POU6F2: variants seen among roughly 807,000 people sequenced by gnomAD.
POU6F2 encodes POU class 6 homeobox 2, also known as POU domain, class 6, transcription factor 2.
A neutral mutation model predicts 71.3 loss-of-function variants in POU6F2; 31 were observed. The observed-to-expected ratio is 0.43, with a 90% CI of 0.33 to 0.59. The LOEUF (loss-of-function observed/expected upper bound fraction) is 0.59, where lower values mean the gene tolerates loss of function less well. POU6F2 is among the 20% of genes least tolerant of loss of function. The pLI, the probability that POU6F2 is intolerant of heterozygous loss-of-function variation, is 0.04. For synonymous variants in POU6F2, 347 were observed against 355.7 expected (o/e 0.98, Z 0.27); for missense variants, 783 against 856.8 (o/e 0.91, Z 1.07).
At chr7:39,239,872 A>G (rs1783690562) in intron 4 of POU6F2, among the ~76,000 whole-genome samples, 1 of 152,130 alleles carries the variant, frequency 6.6e-6, no homozygotes. Context: ...CATGACAAAG[A>G]GGTGGAAAAC....
intron 1 of POU6F2, among the ~76,000 whole-genome samples, chr7:39,027,409 C>T (rs1488344626): frequency 6.6e-6 from 1 of 152,104 alleles, no homozygotes; most frequent in African/African-American, 2.4e-5. Flanking sequence ...CACTGCAGTG[C>T]TCAAAACCCT....
At chr7:39,142,866 TA>T (rs1483891725) in intron 2 of POU6F2, among the ~76,000 whole-genome samples, 24 of 152,332 alleles carry the variant, frequency 1.6e-4, no homozygotes, top group Non-Finnish European at 2.9e-5. Flanking sequence ...TTTGAAACAT[TA>T]AAAAACATGT....
chr7:39,258,740 G>T (rs1243890025), intron 4 of POU6F2, among the ~76,000 whole-genome samples: 1 of 152,126 alleles, frequency 6.6e-6, no homozygotes, highest in Admixed American at 6.5e-5. Context: ...GGTGGTAGGG[G>T]CACCGCAGAA....
At chr7:39,181,990 A>G (rs929260747) in intron 2 of POU6F2, among the ~76,000 whole-genome samples, 14 of 152,162 alleles carry the variant, frequency 9.2e-5, no homozygotes, top group African/African-American at 3.4e-4. Flanking sequence ...TCAGATTACA[A>G]TCTCTACTCC....
At chr7:39,322,159 T>C (rs760152219) in intron 4 of POU6F2, among the ~76,000 whole-genome samples, 20 of 152,190 alleles carry the variant, frequency 1.3e-4, no homozygotes, top group Non-Finnish European at 2.8e-4. Flanking sequence ...TGCTCATCCA[T>C]CCTATACTTT....
chr7:39,144,016 T>G (rs1421537840), intron 2 of POU6F2, among the ~76,000 whole-genome samples: 1 of 152,152 alleles, frequency 6.6e-6, no homozygotes, highest in East Asian at 1.9e-4. Flanking sequence ...CCCATCAAAA[T>G]AGGTCTTCCT....
At chr7:38,996,035 CT>C (rs5883669) in intron 1 of POU6F2, among the ~76,000 whole-genome samples, 42,433 of 82,036 alleles carry the variant, frequency 0.52, 9,744 homozygotes, top group East Asian at 0.78. Flanking sequence ...AGGGGCTTGG[CT>C]TTTTTTTTTT....
chr7:39,344,676 C>T lies in POU6F2; in HGVS notation c.972+4661C>T, dbSNP rs547188161. 3.9e-5 allele frequency among the ~76,000 whole-genome samples: 6 copies of T among 152,184 alleles called. 1 individual carries two copies. The highest frequency in any genetic ancestry group is 1.2e-4 in the African/African-American group (5 of 41,510). ...TCCCCCCCCAGCAATTAGTCTTAAT[C>T]GGTTTACCACAATATTACTCAAGGC... On this transcript the variant is annotated intron_variant, in intron 5 of 9. Transcript: ENST00000518318.
At chr7:39,229,915 T>A (rs1184070179) in intron 4 of POU6F2, among the ~76,000 whole-genome samples, 1 of 152,214 alleles carries the variant, frequency 6.6e-6, no homozygotes, top group Non-Finnish European at 1.5e-5. Context: ...ACATACTAAA[T>A]TCTGAGCACT....
At chr7:39,290,154 A>G (rs1378331701) in intron 4 of POU6F2, among the ~76,000 whole-genome samples, 2 of 152,162 alleles carry the variant, frequency 1.3e-5, no homozygotes, top group African/African-American at 2.4e-5. Flanking sequence ...AGTTTTAAAA[A>G]TCCATTTCAT....
At chr7:38,991,977 G>T (rs1341451105) in intron 1 of POU6F2, among the ~76,000 whole-genome samples, 2 of 151,950 alleles carry the variant, frequency 1.3e-5, no homozygotes, top group Non-Finnish European at 1.5e-5. Context: ...TCTCAGAACA[G>T]GTGAAGAGTT....
chr7:39,432,737 G>A (rs1325254768), intron 6 of POU6F2, among the ~76,000 whole-genome samples: 3 of 152,276 alleles, frequency 2.0e-5, no homozygotes, highest in African/African-American at 7.2e-5. Context: ...AGGGCCTTGA[G>A]TGCTGTGAGA....
At chr7:39,234,240 C>T (rs1794631546) in intron 4 of POU6F2, among the ~76,000 whole-genome samples, 3 of 152,086 alleles carry the variant, frequency 2.0e-5, no homozygotes. Flanking sequence ...AAAAAAAGGA[C>T]TCTGAATGGA....
intron 4 of POU6F2, among the ~76,000 whole-genome samples, chr7:39,278,410 C>T (rs990279945): frequency 2.0e-5 from 3 of 152,082 alleles, no homozygotes; most frequent in Non-Finnish European, 4.4e-5. Flanking sequence ...TTCTCCGCAT[C>T]GATCAGACAG....
chr7:38,999,134 A>G (rs1175307247), intron 1 of POU6F2, among the ~76,000 whole-genome samples: 3 of 152,140 alleles, frequency 2.0e-5, no homozygotes, highest in Admixed American at 2.0e-4. Context: ...ATAGATCCTA[A>G]TAGCATCTCC....
At chr7:39,110,968 TA>T in intron 2 of POU6F2, among the ~76,000 whole-genome samples, 1 of 152,286 alleles carries the variant, frequency 6.6e-6, no homozygotes, top group Non-Finnish European at 1.5e-5. Context: ...TTGTAAGAAA[TA>T]GTATGTCACA....
chr7:39,234,205 A>G (rs1439712331), intron 4 of POU6F2, among the ~76,000 whole-genome samples: 1 of 152,118 alleles, frequency 6.6e-6, no homozygotes, highest in Non-Finnish European at 1.5e-5. Context: ...GGGAGTCTTT[A>G]TGATTAAAAT....
intron 4 of POU6F2, among the ~76,000 whole-genome samples, chr7:39,307,911 C>T (rs1309421044): frequency 2.6e-5 from 4 of 151,476 alleles, no homozygotes; most frequent in African/African-American, 4.9e-5. Flanking sequence ...GCAGAGATCG[C>T]GCCACTGCAC....
chr7:39,291,700 C>CTT (rs1420536189), intron 4 of POU6F2, among the ~76,000 whole-genome samples: 1 of 152,112 alleles, frequency 6.6e-6, no homozygotes, highest in Non-Finnish European at 1.5e-5. Flanking sequence ...GAGGGCTAGG[C>CTT]TTGAAGCACG....
Sources: gnomAD v4.1 joint callset for allele counts (sites outside exome capture counted in the v4.1 genomes callset) on GRCh38, gnomAD v4.1.1 for gene constraint, MANE v1.5 for transcripts, NCBI Gene and HGNC (gene_info 2026-07-23, HGNC 2026-07-21) for gene names.